The following FGFR1 variants were observed in gnomAD, a reference collection of about 807,000 sequenced individuals.
FGFR1 encodes fibroblast growth factor receptor 1.
A neutral mutation model predicts 93.7 loss-of-function variants in FGFR1; 18 were observed. That is an observed-to-expected ratio of 0.19 (90% CI 0.13 to 0.28). The LOEUF is 0.28. Ranked by LOEUF, FGFR1 falls within the 10% of genes least tolerant of loss-of-function variation. FGFR1 has a pLI of 1.00. For missense variants in FGFR1, 731 were observed against 1,080.4 expected, an observed-to-expected ratio of 0.68 and a Z score of 4.53; for synonymous variants, 448 against 429.3, an observed-to-expected ratio of 1.04 and a Z score of -0.54.
At position 38,414,261 on chromosome 8, in the gene FGFR1, T is replaced by C. The variant is rs763166714; in HGVS notation, c.2077A>G (p.Ile693Val). The part of the protein sequence containing the change: ...VWSFGVLLWE[I>V]FTLGGSPYPG... ...TATGGGGAGCCGCCCAGAGTGAAGATCTCCCACAGGAGCACCCCGAAAGAC... is the reference window on the plus strand; with the variant it reads ...TATGGGGAGCCGCCCAGAGTGAAGACCTCCCACAGGAGCACCCCGAAAGAC... The change falls in exon 16 of 18, where the codon ATC becomes GTC. Residue 693 changes from isoleucine to valine, a missense_variant. Ile to Val is a conservative substitution (Grantham distance 29, BLOSUM62 3). Transcript: ENST00000447712. The C allele has an allele frequency of 6.2e-7, 1 of 1,613,966 alleles. No individual in the cohort carries two copies. The highest frequency in any genetic ancestry group is 1.1e-5 in the South Asian group (1 of 91,068).
chr8:38,442,130 A>G (rs1390726207), intron 2 of FGFR1, among the ~76,000 whole-genome samples: 1 of 152,176 alleles, frequency 6.6e-6, no homozygotes, highest in East Asian at 1.9e-4. Flanking sequence ...TTTTGGGAAA[A>G]GAAGTTGGGG....
chr8:38,452,192 GACACACAGACAC>G (rs1198139130), intron 2 of FGFR1, among the ~76,000 whole-genome samples: 18 of 91,480 alleles, frequency 2.0e-4, no homozygotes, highest in African/African-American at 6.3e-4. Flanking sequence ...CAGACACACA[GACACACAGACAC>G]ACACACACAC....
In FGFR1 at chr8:38,424,254, T is replaced by C. The variant is rs559235757; in HGVS notation, c.936+255A>G. 31 of 648,264 alleles carry C rather than the reference T, an allele frequency of 4.8e-5. No homozygotes were observed. In the Admixed American group the frequency reaches 5.1e-4, roughly 11 times the overall value. 40.2% of individuals were successfully genotyped at this position (648,264 alleles called of 1,614,324 possible). On this transcript the variant is annotated intron_variant, in intron 7 of 17. Transcript: ENST00000447712. This position sits in a 1 kb window ranked among gnomAD's most constrained non-coding sequence, Gnocchi z 4.3. ...GCTGACCCCAAAGCCCCAGTGACGT[T>C]GCTCTCAAAGCTTATTACAGACCAG...
At chr8:38,448,659 G>A (rs116068133) in intron 2 of FGFR1, among the ~76,000 whole-genome samples, 82 of 152,074 alleles carry the variant, frequency 5.4e-4, no homozygotes, top group African/African-American at 1.9e-3. Flanking sequence ...GTGTTAGAAT[G>A]AAAGTTAAAA....
At chr8:38,425,610 G>A (rs568787086) in intron 6 of FGFR1, among the ~76,000 whole-genome samples, 2 of 152,300 alleles carry the variant, frequency 1.3e-5, no homozygotes, top group Admixed American at 1.3e-4. Flanking sequence ...GCTCCAAGAG[G>A]CTCAATGTTC....
chr8:38,419,018 T>C (rs542104439), intron 9 of FGFR1, among the ~76,000 whole-genome samples: 1 of 152,256 alleles, frequency 6.6e-6, no homozygotes, highest in Non-Finnish European at 1.5e-5. Context: ...GGAGTTTCCC[T>C]GTACAAGCTC....
chr8:38,446,538 G>A (rs1282438160), intron 2 of FGFR1, among the ~76,000 whole-genome samples: 1 of 151,904 alleles, frequency 6.6e-6, no homozygotes, highest in Admixed American at 6.6e-5. Context: ...TTAGCCTCCC[G>A]AGTAGCTGGG....
Position 38,429,544 on chromosome 8 carries a change from T to G in FGFR1, c.358+138A>C. 19 of 980,610 alleles carry G rather than the reference T, an allele frequency of 1.9e-5. No homozygotes were observed. Among genetic ancestry groups the G allele is most frequent in the Non-Finnish European group, 2.8e-5 (18 of 650,820 alleles). The allele number at this position is 980,610 out of a possible 1,614,324, so 60.7% of individuals were successfully genotyped here. ...AAGCCACGCGGCAGGCAGGGAGCAA[T>G]GTTAGTGGGCAGCAGTTTCTGAAGC... On this transcript the variant is annotated intron_variant, in intron 3 of 17. Coordinates refer to ENST00000447712, the MANE Select transcript of FGFR1 (RefSeq NM_023110.3). This position sits in a 1 kb window ranked among gnomAD's most constrained non-coding sequence, Gnocchi z 4.4.
In FGFR1 at chr8:38,429,644, G is replaced by T. The variant is rs912271160; in HGVS notation, c.358+38C>A. 6.4e-7 allele frequency: 1 copy of T among 1,550,840 alleles called. No homozygotes were observed. Among genetic ancestry groups the T allele is most frequent in the African/African-American group, 1.4e-5 (1 of 73,316 alleles). On this transcript the variant is annotated intron_variant, in intron 3 of 17. Transcript: ENST00000447712. The surrounding 1 kb of genome is among the most constrained non-coding windows in gnomAD (Gnocchi z 4.4). ...CTGGCAGAGAGGGCTGGAGGGGGTGGGTCTAGGGAGGGGCAAGGGCAGGGC... is the reference window on the plus strand; with the variant it reads ...CTGGCAGAGAGGGCTGGAGGGGGTGTGTCTAGGGAGGGGCAAGGGCAGGGC...
At position 38,418,265 on chromosome 8, in the gene FGFR1, G is replaced by T. The variant is rs1189940197; in HGVS notation, c.1393C>A (p.Leu465Ile). The T allele has an allele frequency of 6.2e-7, 1 of 1,614,228 alleles. No homozygotes were observed. Among genetic ancestry groups the T allele is most frequent in the South Asian group, 1.1e-5 (1 of 91,082 alleles). The change falls in exon 10 of 18, where the codon CTT becomes ATT. Residue 465 changes from leucine (L) to isoleucine (I), a missense_variant. Physicochemically the swap from Leu to Ile is conservative, Grantham distance 5. Around this residue, in one of 10 missense-constraint regions of FGFR1, gnomAD observed 146 missense variants for 173.0 expected, o/e 0.84. Coordinates refer to ENST00000447712, the MANE Select transcript of FGFR1 (RefSeq NM_023110.3). ...PMLAGVSEYE[L>I]PEDPRWELPR... ...AGCTCCCAGCGAGGGTCTTCGGGAA[G>T]CTCATACTCAGAGACCCCTGCTAGC...
rs531706290 is a variant in FGFR1 at position 38,429,357 on chromosome 8, G to A, written c.358+325C>T. 16 of 631,474 alleles carry A rather than the reference G, an allele frequency of 2.5e-5. No homozygotes were observed. Among genetic ancestry groups the A allele is most frequent in the Admixed American group, 2.4e-4 (13 of 54,282 alleles). 39.1% of individuals were successfully genotyped at this position (631,474 alleles called of 1,614,324 possible). A position where few individuals can be genotyped will look rare whatever the true frequency, so the allele number is the denominator to read the frequency against. On this transcript the variant is annotated intron_variant, in intron 3 of 17. Coordinates refer to ENST00000447712, the MANE Select transcript of FGFR1 (RefSeq NM_023110.3). This position sits in a 1 kb window ranked among gnomAD's most constrained non-coding sequence, Gnocchi z 4.4. ...GGGAGTGATGGAGTGGAAGCTGGCC[G>A]AGCACCACTTAGCCTCCTGGAGATC...
chr8:38,448,260 T>TAGATA (rs1006680121), intron 2 of FGFR1, among the ~76,000 whole-genome samples: 6 of 152,034 alleles, frequency 3.9e-5, no homozygotes. Context: ...TGAACCCAGA[T>TAGATA]TATCTAACAA....
rs121909637 is a variant in FGFR1 at position 38,418,249 on chromosome 8, C to T, written c.1409G>A (p.Arg470His). Residue 470 changes from arginine to histidine, a missense_variant, in exon 10 of 18, where the codon CGC becomes CAC. Physicochemically the swap from Arg to His is conservative, Grantham distance 29. Around this residue, in one of 10 missense-constraint regions of FGFR1, gnomAD observed 146 missense variants for 173.0 expected, o/e 0.84. Coordinates refer to ENST00000447712, the MANE Select transcript of FGFR1 (RefSeq NM_023110.3). ...VSEYELPEDP[R>H]WELPRDRLVL... ...TTACCTGTCCCGAGGCAGCTCCCAG[C>T]GAGGGTCTTCGGGAAGCTCATACTC... 23 of 1,614,068 alleles carry T rather than the reference C, an allele frequency of 1.4e-5. No individual in the cohort carries two copies. Among genetic ancestry groups the T allele is most frequent in the South Asian group, 4.4e-5 (4 of 91,090 alleles).
At chr8:38,423,523 T>C (rs779804983) in intron 7 of FGFR1, 1 of 268,374 alleles carries the variant, frequency 3.7e-6, no homozygotes, top group Non-Finnish European at 7.1e-6. Flanking sequence ...GGTTTCACCA[T>C]GTTGGCCGGG....
In FGFR1 at chr8:38,445,704, AT is replaced by A. The variant is rs538025771; in HGVS notation, c.91+11651del. On this transcript the variant is annotated intron_variant, in intron 2 of 17. Transcript: ENST00000447712. ...CAGGCGCCTGCCATCACGCCCGGTTATTTTTTTTTTTTTTTAATATTTTTAG... is the reference window on the plus strand; with the variant it reads ...CAGGCGCCTGCCATCACGCCCGGTTATTTTTTTTTTTTTTAATATTTTTAG... Among the ~76,000 whole-genome samples the A allele has an allele frequency of 6.8e-3, 923 of 135,186 alleles. 2 individuals are homozygous for A. The highest frequency in any genetic ancestry group is 0.012 in the Middle Eastern group (3 of 254). 88.7% of individuals were successfully genotyped at this position (135,186 alleles called of 152,430 possible).
chr8:38,421,707 G>T, intron 8 of FGFR1, 90 bp downstream of exon 8: 1 of 1,388,670 alleles, frequency 7.2e-7, no homozygotes, highest in Non-Finnish European at 1.0e-6. Flanking sequence ...CAGCTCTCCT[G>T]CCTCTGTGTC....
At position 38,457,341 on chromosome 8, in the gene FGFR1, C is replaced by A. The variant is rs746109640; in HGVS notation, c.91+15G>T. 2 of 1,611,042 alleles carry A rather than the reference C, an allele frequency of 1.2e-6. No individual in the cohort carries two copies. The highest frequency in any genetic ancestry group is 1.1e-5 in the South Asian group (1 of 91,018). On this transcript the variant is annotated intron_variant, in intron 2 of 17. Transcript: ENST00000447712. ...AAGGCCCAGGAGTCCAGGCTGCCCC[C>A]AGCCAGCACCTTACCTTGTTCAGGC...
intron 7 of FGFR1, chr8:38,423,300 CT>C (rs1289836482): frequency 1.7e-6 from 1 of 605,350 alleles, no homozygotes; most frequent in African/African-American, 1.9e-5. Context: ...GATTTATTAC[CT>C]TTCCCTTTTA....
intron 2 of FGFR1, among the ~76,000 whole-genome samples, chr8:38,434,102 CT>C (rs1036515603): frequency 1.3e-5 from 2 of 152,186 alleles, no homozygotes; most frequent in African/African-American, 4.8e-5. Flanking sequence ...CACTTTGTTC[CT>C]TTTAATGACC....
Sources: allele counts gnomAD v4.1 joint callset (sites outside exome capture counted in the v4.1 genomes callset), GRCh38; gene constraint gnomAD v4.1.1; regional missense constraint gnomAD v4.1.1; non-coding constraint Gnocchi (gnomAD v3.1); transcripts MANE v1.5; gene names NCBI Gene and HGNC (gene_info 2026-07-23, HGNC 2026-07-21).